SGCZ: variants seen among roughly 807,000 people sequenced by gnomAD.
SGCZ encodes the protein sarcoglycan zeta.
A neutral mutation model predicts 41.3 loss-of-function variants in SGCZ; 40 were observed. The observed-to-expected ratio is 0.97, with a 90% CI of 0.75 to 1.26. SGCZ has a LOEUF of 1.26. Ranked by LOEUF, SGCZ falls within the 50% of genes most tolerant of loss-of-function variation. SGCZ has a pLI of 0.00. For missense variants in SGCZ, 552 were observed against 369.8 expected (o/e 1.49, Z -4.04); for synonymous variants, 206 against 137.5 (o/e 1.50, Z -3.49).
rs545272926 is a variant in SGCZ, at chr8:14,490,432, T to C, written c.234+64300A>G. ...ATTTTCTGCCTAGGAAATACCAATA[T>C]ATTTTGAGTATGATAAGTGTTTCAA... On this transcript the variant is annotated intron_variant, in intron 2 of 7. Transcript: ENST00000382080. 5.3e-5 allele frequency among the ~76,000 whole-genome samples: 8 copies of C among 152,282 alleles called. No homozygotes were observed. The South Asian group carries it at 1.7e-3, about 32-fold the overall frequency.
chr8:15,052,763 G>C (rs1029971788), intron 1 of SGCZ, among the ~76,000 whole-genome samples: 4 of 152,076 alleles, frequency 2.6e-5, no homozygotes, highest in African/African-American at 4.8e-5. Flanking sequence ...ATGTCAAGTG[G>C]TTAAAAAGCA....
intron 3 of SGCZ, among the ~76,000 whole-genome samples, chr8:14,312,028 G>T (rs1316509614): frequency 6.6e-6 from 1 of 152,042 alleles, no homozygotes; most frequent in Non-Finnish European, 1.5e-5. Flanking sequence ...CAAACTTACT[G>T]AATGAGTTAT....
At chr8:14,110,934 G>C (rs932490595) in intron 5 of SGCZ, among the ~76,000 whole-genome samples, 1 of 151,988 alleles carries the variant, frequency 6.6e-6, no homozygotes, top group Non-Finnish European at 1.5e-5. Flanking sequence ...GTGCACAGTA[G>C]TCCCAGCTGC....
At chr8:14,692,883 C>T (rs796584308) in intron 1 of SGCZ, among the ~76,000 whole-genome samples, 5 of 152,180 alleles carry the variant, frequency 3.3e-5, no homozygotes, top group African/African-American at 1.2e-4. Flanking sequence ...AACGCGATAT[C>T]GAAGATGCAA....
chr8:14,917,294 G>C (rs1323570374), intron 1 of SGCZ, among the ~76,000 whole-genome samples: 1 of 110,078 alleles, frequency 9.1e-6, no homozygotes, highest in Non-Finnish European at 1.8e-5. Flanking sequence ...CCAGTAACAA[G>C]TTAGCCTATT....
intron 4 of SGCZ, among the ~76,000 whole-genome samples, chr8:14,168,849 C>G (rs1467810749): frequency 6.6e-6 from 1 of 152,114 alleles, no homozygotes; most frequent in Admixed American, 6.5e-5. Context: ...ATTTTCCAAA[C>G]AAAACTTCAA....
At chr8:14,095,379 G>T (rs185705279) in intron 7 of SGCZ, among the ~76,000 whole-genome samples, 1 of 152,256 alleles carries the variant, frequency 6.6e-6, no homozygotes. Context: ...ATTAAATAGG[G>T]AATCCTTTTC....
intron 1 of SGCZ, among the ~76,000 whole-genome samples, chr8:14,809,238 G>T (rs1322896024): frequency 6.6e-6 from 1 of 151,408 alleles, no homozygotes; most frequent in African/African-American, 2.4e-5. Context: ...AATAATAAAA[G>T]AAGAAAAATA....
chr8:14,720,597 G>A (rs911188535), intron 1 of SGCZ, among the ~76,000 whole-genome samples: 1 of 151,840 alleles, frequency 6.6e-6, no homozygotes, highest in South Asian at 2.1e-4. Context: ...GGCAAACTCT[G>A]GCTCACAAGT....
chr8:15,067,988 C>A (rs910872507), intron 1 of SGCZ, among the ~76,000 whole-genome samples: 1 of 152,142 alleles, frequency 6.6e-6, no homozygotes, highest in Non-Finnish European at 1.5e-5. Context: ...ATGTTCTCGG[C>A]ACAGAGTACC....
Position 14,662,240 on chromosome 8 carries a change from C to T in SGCZ, c.40-107314G>A, listed in dbSNP as rs140039887. Among the ~76,000 whole-genome samples, 1,258 of 152,222 alleles carry T rather than the reference C, an allele frequency of 8.3e-3. 21 individuals are homozygous for T. The highest frequency in any genetic ancestry group is 0.029 in the African/African-American group (1,207 of 41,518). ...TCTATATTCTACCTATACTTCAAGA[C>T]TCAGTTTAAATTCTGAGGTTGACAG... is the stretch of plus-strand genomic sequence containing the variant. On this transcript the variant is annotated intron_variant, in intron 1 of 7. Transcript: ENST00000382080.
intron 1 of SGCZ, among the ~76,000 whole-genome samples, chr8:15,007,288 CA>C (rs1359240053): frequency 2.0e-5 from 3 of 152,138 alleles, no homozygotes; most frequent in Non-Finnish European, 4.4e-5. Flanking sequence ...TACTATGTTA[CA>C]AAAAGATTGC....
At chr8:14,395,199 T>C (rs1798876120) in intron 2 of SGCZ, among the ~76,000 whole-genome samples, 1 of 152,212 alleles carries the variant, frequency 6.6e-6, no homozygotes, top group Admixed American at 6.5e-5. Flanking sequence ...CTGTAAAATG[T>C]TTCCAATACC....
intron 4 of SGCZ, among the ~76,000 whole-genome samples, chr8:14,188,516 G>T (rs893037621): frequency 9.9e-5 from 15 of 152,172 alleles, no homozygotes; most frequent in Non-Finnish European, 1.8e-4. Flanking sequence ...AATGCAGAAA[G>T]TAGGGTAGTA....
intron 4 of SGCZ, among the ~76,000 whole-genome samples, chr8:14,198,549 A>G (rs1358523165): frequency 6.6e-6 from 1 of 152,140 alleles, no homozygotes; most frequent in African/African-American, 2.4e-5. Context: ...ATCATGTAAT[A>G]TACCTCAGAA....
At chr8:14,240,327 C>CAAAAAAAAAAA (rs59351247) in intron 3 of SGCZ, among the ~76,000 whole-genome samples, 11 of 115,230 alleles carry the variant, frequency 9.5e-5, no homozygotes, top group African/African-American at 2.3e-4. Context: ...AACTCTGTGT[C>CAAAAAAAAAAA]AAAAAAAAAA....
At chr8:14,511,101 C>T (rs1444767392) in intron 2 of SGCZ, among the ~76,000 whole-genome samples, 1 of 151,938 alleles carries the variant, frequency 6.6e-6, no homozygotes, top group Non-Finnish European at 1.5e-5. Context: ...TTATGTGTCA[C>T]AAATGGTGCT....
chr8:14,252,632 C>A (rs553221666), intron 3 of SGCZ, among the ~76,000 whole-genome samples: 1 of 152,194 alleles, frequency 6.6e-6, no homozygotes, highest in East Asian at 1.9e-4. Flanking sequence ...ATTGTACCTG[C>A]TAAGTCCTAG....
intron 1 of SGCZ, among the ~76,000 whole-genome samples, chr8:15,202,874 T>C (rs1800936423): frequency 6.6e-6 from 1 of 151,450 alleles, no homozygotes; most frequent in Non-Finnish European, 1.5e-5. Context: ...ACGTCGGGAA[T>C]CCAAGGAAGG....
Sources: gnomAD v4.1 joint callset for allele counts (sites outside exome capture counted in the v4.1 genomes callset) on GRCh38, gnomAD v4.1.1 for gene constraint, MANE v1.5 for transcripts, NCBI Gene and HGNC (gene_info 2026-07-23, HGNC 2026-07-21) for gene names.